Variants in NAP1L1 observed in about 807,000 individuals in gnomAD.
The protein encoded by NAP1L1 is nucleosome assembly protein 1-like 1.
In NAP1L1, 9 loss-of-function variants were observed where a neutral mutation model predicts 58.9. The observed-to-expected ratio is 0.15, with a 90% CI of 0.09 to 0.27. The LOEUF is 0.27. Among genes scored for constraint, NAP1L1 ranks in the 10% least tolerant of loss-of-function variants. The pLI is 1.00. For missense variants in NAP1L1, 302 were observed against 458.8 expected, an observed-to-expected ratio of 0.66 and a Z score of 3.12; for synonymous variants, 130 against 138.3, an observed-to-expected ratio of 0.94 and a Z score of 0.42.
intron 6 of NAP1L1, chr12:76,056,544 TAGC>T: frequency 2.3e-6 from 1 of 441,334 alleles, no homozygotes; most frequent in South Asian, 1.6e-5. Context: ...CAACATAAAA[TAGC>T]AATGCTAGAG....
In NAP1L1 at chr12:76,046,507, G is replaced by C. The variant is rs1282796886; in HGVS notation, c.*1922C>G. On this transcript the variant is annotated 3_prime_UTR_variant, in exon 15 of 15. Transcript: ENST00000618691. ...TATGGTTAAAAAAAAAAAGCACATA[G>C]TGTCTAATCAAAGCAAAGGAAATCA... is the stretch of plus-strand genomic sequence containing the variant. The C allele has an allele frequency of 6.6e-6, 1 of 151,994 alleles. No individual in the cohort carries two copies. Among genetic ancestry groups the C allele is most frequent in the Non-Finnish European group, 1.5e-5 (1 of 67,798 alleles). The allele number at this position is 151,994 out of a possible 1,614,324, so 9.4% of individuals were successfully genotyped here. A position where few individuals can be genotyped will look rare whatever the true frequency, so the allele number is the denominator to read the frequency against.
At position 76,036,640 on chromosome 12, in the gene NAP1L1, C is replaced by G. The variant is rs561387963; in HGVS notation, c.*11789G>C. 6.6e-6 allele frequency: 1 copy of G among 152,244 alleles called. No homozygotes were observed. The highest frequency in any genetic ancestry group is 6.5e-5 in the Admixed American group (1 of 15,296). The allele number at this position is 152,244 out of a possible 1,614,324, so 9.4% of individuals were successfully genotyped here. On this transcript the variant is annotated 3_prime_UTR_variant, in exon 15 of 15. Transcript: ENST00000618691. ...TGATTACAAAATTCTGATCTGTAAA[C>G]CAATTTGCAATATACAGTAGAAACT... is the stretch of plus-strand genomic sequence containing the variant.
intron 2 of NAP1L1, 183 bp downstream of exon 2, chr12:76,074,020 A>C: frequency 1.9e-6 from 1 of 522,038 alleles, no homozygotes; most frequent in Non-Finnish European, 3.4e-6. Flanking sequence ...ATGATCATAA[A>C]TATGCTAATG....
In NAP1L1 at chr12:76,042,316, T is replaced by C. The variant is rs766900372; in HGVS notation, c.*6113A>G. 1 of 152,230 alleles carries C rather than the reference T, an allele frequency of 6.6e-6. No individual in the cohort carries two copies. The highest frequency in any genetic ancestry group is 1.5e-5 in the Non-Finnish European group (1 of 68,038). 9.4% of individuals were successfully genotyped at this position (152,230 alleles called of 1,614,324 possible). The stretch of plus-strand genomic sequence containing the variant: ...ATAGGCTCTAAGTACTTTTGTTTCC[T>C]TATTAATGTTCACCACGATCTTTCG... On this transcript the variant is annotated 3_prime_UTR_variant, in exon 15 of 15. Coordinates refer to ENST00000618691, the MANE Select transcript of NAP1L1 (RefSeq NM_004537.7).
chr12:76,081,035 C>T (rs10785229), intron 1 of NAP1L1, among the ~76,000 whole-genome samples: 18 of 151,728 alleles, frequency 1.2e-4, no homozygotes, highest in African/African-American at 4.1e-4. Context: ...TGGGTCCCCT[C>T]GATCTTGGAT....
chr12:76,063,618 C>CA (rs1217839958), intron 4 of NAP1L1, among the ~76,000 whole-genome samples: 4 of 151,922 alleles, frequency 2.6e-5, no homozygotes, highest in Non-Finnish European at 5.9e-5. Context: ...GGCAACATGG[C>CA]AAAACCCCAT....
intron 12 of NAP1L1, 29 bp from the exon 13 acceptor site, chr12:76,049,814 G>A: frequency 1.9e-6 from 3 of 1,611,088 alleles, no homozygotes; most frequent in African/African-American, 2.7e-5. Context: ...GTTAAGTGTT[G>A]AGTGAATGTA....
intron 1 of NAP1L1, among the ~76,000 whole-genome samples, chr12:76,076,691 T>TG (rs919493279): frequency 6.6e-6 from 1 of 151,192 alleles, no homozygotes; most frequent in Non-Finnish European, 1.5e-5. Flanking sequence ...AAGAAGGGAC[T>TG]GGGGGTAATG....
At chr12:76,063,616 G>A (rs1258952413) in intron 4 of NAP1L1, among the ~76,000 whole-genome samples, 1 of 152,062 alleles carries the variant, frequency 6.6e-6, no homozygotes, top group African/African-American at 2.4e-5. Context: ...CAGGCAACAT[G>A]GCAAAACCCC....
chr12:76,076,773 T>C (rs971389318), intron 1 of NAP1L1, among the ~76,000 whole-genome samples: 2 of 151,944 alleles, frequency 1.3e-5, no homozygotes, highest in Non-Finnish European at 2.9e-5. Context: ...CTCTGGGTGA[T>C]TGTATTGTTG....
At chr12:76,074,657 T>G (rs1230147543) in intron 1 of NAP1L1, among the ~76,000 whole-genome samples, 1 of 152,204 alleles carries the variant, frequency 6.6e-6, no homozygotes, top group Non-Finnish European at 1.5e-5. Flanking sequence ...TTAAATCCAT[T>G]TATCCATTTC....
Position 76,048,042 on chromosome 12 carries a change from A to G in NAP1L1, c.*387T>C, listed in dbSNP as rs1334266237. 1 of 194,610 alleles carries G rather than the reference A, an allele frequency of 5.1e-6. No homozygotes were observed. Among genetic ancestry groups the G allele is most frequent in the Admixed American group, 5.7e-5 (1 of 17,564 alleles). 12.1% of individuals were successfully genotyped at this position (194,610 alleles called of 1,614,324 possible). ...TGAAAGGCACAGCTAATCCAAGCGG[A>G]CTTAACCCTATTCAACAACCAGCTG... On this transcript the variant is annotated 3_prime_UTR_variant, in exon 15 of 15. Coordinates refer to ENST00000618691, the MANE Select transcript of NAP1L1 (RefSeq NM_004537.7).
rs1361967280 is a variant in NAP1L1, at chr12:76,043,854, C to A, written c.*4575G>T. 1.3e-5 allele frequency: 2 copies of A among 152,168 alleles called. No individual in the cohort carries two copies. Among genetic ancestry groups the A allele is most frequent in the Non-Finnish European group, 2.9e-5 (2 of 68,038 alleles). The allele number at this position is 152,168 out of a possible 1,614,324, so 9.4% of individuals were successfully genotyped here. ...TACAACCTCATGAAATTTACCAGAG[C>A]CGCAATTGCCTAATACATTATGAAT... On this transcript the variant is annotated 3_prime_UTR_variant, in exon 15 of 15. Coordinates refer to ENST00000618691, the MANE Select transcript of NAP1L1 (RefSeq NM_004537.7).
At chr12:76,059,099 A>G (rs1194920082) in intron 6 of NAP1L1, among the ~76,000 whole-genome samples, 4 of 152,274 alleles carry the variant, frequency 2.6e-5, no homozygotes, top group Non-Finnish European at 5.9e-5. Context: ...GAAAGTATTC[A>G]TCACAATATG....
chr12:76,058,146 T>C, intron 6 of NAP1L1: 1 of 673,816 alleles, frequency 1.5e-6, no homozygotes, highest in Non-Finnish European at 2.8e-6. Flanking sequence ...TTGTCTGTAG[T>C]TAATGGCCTG....
At chr12:76,073,793 T>G (rs1038592733) in intron 2 of NAP1L1, 1 of 156,976 alleles carries the variant, frequency 6.4e-6, no homozygotes, top group East Asian at 1.8e-4. Flanking sequence ...GATAGTAATG[T>G]TCTATTTTTA....
intron 1 of NAP1L1, among the ~76,000 whole-genome samples, chr12:76,078,240 C>T (rs1467438339): frequency 2.0e-5 from 3 of 151,964 alleles, no homozygotes; most frequent in Admixed American, 1.3e-4. Flanking sequence ...TATGGTAACC[C>T]TCCCAAATTA....
chr12:76,046,944 A>C lies in NAP1L1; in HGVS notation c.*1485T>G, dbSNP rs1948620674. ...CTGTAGTATTTACAATACAGTCATC[A>C]AAAATATCTGAAAACAAATCTTGGA... On this transcript the variant is annotated 3_prime_UTR_variant, in exon 15 of 15. Coordinates refer to ENST00000618691, the MANE Select transcript of NAP1L1 (RefSeq NM_004537.7). 1 of 152,452 alleles carries C rather than the reference A, an allele frequency of 6.6e-6. No homozygotes were observed. The highest frequency in any genetic ancestry group is 1.5e-5 in the Non-Finnish European group (1 of 67,938). The allele number at this position is 152,452 out of a possible 1,614,324, so 9.4% of individuals were successfully genotyped here.
In NAP1L1 at chr12:76,060,240, T is replaced by A; in HGVS notation, c.246A>T (p.Lys82Asn). Residue 82 changes from lysine to asparagine, a missense_variant, in exon 5 of 15, where the codon AAA becomes AAT. Physicochemically the swap from Lys to Asn is moderately conservative, Grantham distance 94 (BLOSUM62 0). Transcript: ENST00000618691. ...RVVKRRVNAL[K>N]NLQVKCAQIE... ...TCTGTGCACATTTAACTTGCAGGTT[T>A]TTGAGAGCATTCACTCGTCTTTTAA... The A allele has an allele frequency of 6.2e-7, 1 of 1,613,970 alleles. No homozygotes were observed. Among genetic ancestry groups the A allele is most frequent in the Non-Finnish European group, 8.5e-7 (1 of 1,179,902 alleles).
Sources: allele counts gnomAD v4.1 joint callset (sites outside exome capture counted in the v4.1 genomes callset), GRCh38; gene constraint gnomAD v4.1.1; transcripts MANE v1.5; gene names NCBI Gene and HGNC (gene_info 2026-07-23, HGNC 2026-07-21).